KALRN: variants seen among roughly 807,000 people sequenced by gnomAD.
The protein encoded by KALRN is kalirin RhoGEF kinase, also known as kalirin.
Under a neutral mutation model 353.7 loss-of-function variants are expected in KALRN, and 70 were observed. The ratio of observed to expected loss-of-function variants is 0.20; its 90% CI spans 0.16 to 0.24. KALRN has a LOEUF of 0.24. KALRN is among the 10% of genes least tolerant of loss of function. KALRN has a pLI of 1.00. For missense variants in KALRN, 2,791 were observed against 3,756.7 expected (o/e 0.74, Z 6.72); for synonymous variants, 1,391 against 1,434.8 (o/e 0.97, Z 0.69).
chr3:124,696,590 AGGCT>A (rs1453035192), intron 54 of KALRN, among the ~76,000 whole-genome samples: 1 of 152,258 alleles, frequency 6.6e-6, no homozygotes, highest in Non-Finnish European at 1.5e-5. Flanking sequence ...TATGTTGCCC[AGGCT>A]GGTCTCAAAC....
At chr3:124,515,047 C>T (rs900065942) in intron 33 of KALRN, among the ~76,000 whole-genome samples, 9 of 152,174 alleles carry the variant, frequency 5.9e-5, no homozygotes, top group South Asian at 2.1e-4. Flanking sequence ...AACATGCAGT[C>T]GACTGAAGAT....
At chr3:124,426,651 C>G (rs2093034411) in intron 15 of KALRN, among the ~76,000 whole-genome samples, 1 of 152,134 alleles carries the variant, frequency 6.6e-6, no homozygotes, top group Non-Finnish European at 1.5e-5. Context: ...AGATAGATAG[C>G]CCAAACACCC....
chr3:124,557,587 C>G (rs964398659), intron 33 of KALRN, among the ~76,000 whole-genome samples: 1 of 152,132 alleles, frequency 6.6e-6, no homozygotes, highest in African/African-American at 2.4e-5. Context: ...TAGATATGCT[C>G]CAGCTTTACA....
intron 13 of KALRN, among the ~76,000 whole-genome samples, chr3:124,408,094 AAAG>A: frequency 6.6e-6 from 1 of 152,328 alleles, no homozygotes; most frequent in East Asian, 1.9e-4. Context: ...TTAAAAAGGA[AAAG>A]AAATACTGGA....
chr3:124,045,122 T>C (rs761115350), intron 1 of KALRN, among the ~76,000 whole-genome samples: 3 of 152,050 alleles, frequency 2.0e-5, no homozygotes, highest in Non-Finnish European at 4.4e-5. Context: ...AGCTGGACAG[T>C]GGGCCTAGAA....
At position 124,347,274 on chromosome 3, in the gene KALRN, CTGTGTGTGTGTGTGTG is replaced by C. The variant is rs61359186; in HGVS notation, c.1770+41_1770+56del. ...TTGAAGAGGTGGCTCAGGTGAGAAG[CTGTGTGTGTGTGTGTG>C]TGTGTGTGTGTGTGTGTGTGTGTGT... On this transcript the variant is annotated intron_variant, in intron 10 of 59. Coordinates refer to ENST00000682506, the MANE Select transcript of KALRN (RefSeq NM_001388419.1). The C allele has an allele frequency of 1.3e-3, 1,543 of 1,153,846 alleles. 5 individuals carry two copies. Among genetic ancestry groups the C allele is most frequent in the South Asian group, 2.0e-3 (138 of 69,788 alleles). 71.5% of individuals were successfully genotyped at this position (1,153,846 alleles called of 1,614,324 possible). A position where few individuals can be genotyped will look rare whatever the true frequency, so the allele number is the denominator to read the frequency against.
At chr3:124,252,749 C>G (rs1278983139) in intron 3 of KALRN, among the ~76,000 whole-genome samples, 1 of 152,180 alleles carries the variant, frequency 6.6e-6, no homozygotes, top group East Asian at 1.9e-4. Context: ...AGCTGGATTA[C>G]AGCTTGACAG....
chr3:124,325,964 C>A lies in KALRN; in HGVS notation c.1093-16C>A. ...TTTTGAGCCTGCCCCACTGAGCACT[C>A]TCCTTTTCTTTCCAGAATGCCTATG... On this transcript the variant is annotated splice_polypyrimidine_tract_variant and intron_variant, in intron 6 of 59. Transcript: ENST00000682506. 6.2e-7 allele frequency: 1 copy of A among 1,607,640 alleles called. No homozygotes were observed. Among genetic ancestry groups the A allele is most frequent in the South Asian group, 1.1e-5 (1 of 89,382 alleles).
At chr3:124,168,169 C>A (rs2071172747) in intron 1 of KALRN, among the ~76,000 whole-genome samples, 1 of 152,154 alleles carries the variant, frequency 6.6e-6, no homozygotes, top group South Asian at 2.1e-4. Flanking sequence ...TCATCATTCA[C>A]CTCAAGAATT....
At chr3:124,189,874 G>A (rs948984085) in intron 1 of KALRN, among the ~76,000 whole-genome samples, 13 of 151,380 alleles carry the variant, frequency 8.6e-5, no homozygotes, top group African/African-American at 2.7e-4. Flanking sequence ...AGGAGGCAGA[G>A]GTTGCAGTGA....
At chr3:124,499,902 A>G (rs192868990) in intron 33 of KALRN, among the ~76,000 whole-genome samples, 1 of 152,060 alleles carries the variant, frequency 6.6e-6, no homozygotes, top group East Asian at 1.9e-4. Flanking sequence ...CCTTATATTT[A>G]TATATTTTTC....
Position 124,380,017 on chromosome 3 carries a change from C to T in KALRN, c.1771-4828C>T, listed in dbSNP as rs2087121301. Among the ~76,000 whole-genome samples, 2 of 152,150 alleles carry T rather than the reference C, an allele frequency of 1.3e-5. 1 individual carries two copies. The highest frequency in any genetic ancestry group is 4.1e-4 in the South Asian group (2 of 4,824). On this transcript the variant is annotated intron_variant, in intron 10 of 59. Coordinates refer to ENST00000682506, the MANE Select transcript of KALRN (RefSeq NM_001388419.1). Reference sequence around the variant, plus strand: ...ACTGTGAGGGGCATTTTCTCCTACTCCTCTGGTAGTCTCATTCTTCAATCT... The same window carrying T: ...ACTGTGAGGGGCATTTTCTCCTACTTCTCTGGTAGTCTCATTCTTCAATCT...
At chr3:124,582,606 G>A (rs568003205) in intron 34 of KALRN, among the ~76,000 whole-genome samples, 37 of 152,160 alleles carry the variant, frequency 2.4e-4, no homozygotes, top group Non-Finnish European at 5.0e-4. Context: ...TACTTTACAA[G>A]GTTTTTTTAT....
chr3:124,152,350 C>T (rs28402839), intron 1 of KALRN: 336,258 of 1,193,786 alleles, frequency 0.28, 48,886 homozygotes, highest in East Asian at 0.44. Flanking sequence ...GAAGATTTGA[C>T]GAAGGCGAAG....
At chr3:124,619,640 C>T (rs1399058021) in intron 34 of KALRN, among the ~76,000 whole-genome samples, 1 of 151,922 alleles carries the variant, frequency 6.6e-6, no homozygotes, top group Non-Finnish European at 1.5e-5. Context: ...GTGCATGCCA[C>T]CACACCCAGC....
chr3:124,275,137 A>G (rs569731993), intron 5 of KALRN, among the ~76,000 whole-genome samples: 153 of 152,290 alleles, frequency 1.0e-3, no homozygotes, highest in African/African-American at 3.6e-3. Flanking sequence ...TCTTCATGAA[A>G]ACATCTTTCA....
At chr3:124,677,355 G>A (rs2087304508) in intron 49 of KALRN, 2 of 233,942 alleles carry the variant, frequency 8.5e-6, no homozygotes, top group Non-Finnish European at 8.4e-6. Context: ...TGGAATGTAA[G>A]GGCTCTGCTC....
chr3:124,648,234 C>G (rs2082995115), intron 37 of KALRN, among the ~76,000 whole-genome samples: 1 of 152,252 alleles, frequency 6.6e-6, no homozygotes, highest in South Asian at 2.1e-4. Flanking sequence ...TTTAGGCAGA[C>G]TATCTAGCAT....
At chr3:124,418,431 A>C (rs879477522) in intron 14 of KALRN, among the ~76,000 whole-genome samples, 1 of 152,194 alleles carries the variant, frequency 6.6e-6, no homozygotes. Flanking sequence ...TAAAAACCTC[A>C]TTAAAGGACT....
Sources: allele counts gnomAD v4.1 joint callset (sites outside exome capture counted in the v4.1 genomes callset), GRCh38; gene constraint gnomAD v4.1.1; transcripts MANE v1.5; gene names NCBI Gene and HGNC (gene_info 2026-07-23, HGNC 2026-07-21).